Variants in PEX5 observed in about 807,000 individuals in gnomAD.
PEX5 encodes the protein peroxisomal biogenesis factor 5.
Under a neutral mutation model 82.9 loss-of-function variants are expected in PEX5, and 52 were observed. The ratio of observed to expected loss-of-function variants is 0.63; its 90% confidence interval spans 0.50 to 0.79. The LOEUF (loss-of-function observed/expected upper bound fraction) is 0.79, where lower values mean the gene tolerates loss of function less well. PEX5 is among the 30% of genes least tolerant of loss of function. PEX5 has a pLI of 0.00. For missense variants in PEX5, 719 were observed against 815.2 expected (o/e 0.88, Z 1.44); for synonymous variants, 300 against 318.8 (o/e 0.94, Z 0.63).
chr12:7,204,625 A>T (rs1398244231), intron 10 of PEX5, among the ~76,000 whole-genome samples: 1 of 152,236 alleles, frequency 6.6e-6, no homozygotes, highest in African/African-American at 2.4e-5. Context: ...GGAAATATAG[A>T]TAACACTTTT....
intron 1 of PEX5, 169 bp downstream of exon 1, chr12:7,189,919 A>G: frequency 6.9e-7 from 1 of 1,444,070 alleles, no homozygotes; most frequent in South Asian, 1.4e-5. Context: ...GGCTCCGGTG[A>G]CTTAAGGGGA....
At chr12:7,215,010 G>A (rs1405679273), downstream of PEX5, among the ~76,000 whole-genome samples, 1 of 152,106 alleles carries the variant, frequency 6.6e-6, no homozygotes, top group Non-Finnish European at 1.5e-5. Flanking sequence ...ATTTTACTCA[G>A]ATTATGCATT....
At chr12:7,191,117 G>T (rs1316158377) in intron 3 of PEX5, 109 bp from the exon 4 acceptor site, 10 of 1,322,602 alleles carry the variant, frequency 7.6e-6, no homozygotes, top group Non-Finnish European at 1.1e-5. Context: ...TCCAGTTTCT[G>T]TGTTTTCCTT....
At chr12:7,211,954 A>T (rs1411052470), downstream of PEX5, among the ~76,000 whole-genome samples, 2 of 148,086 alleles carry the variant, frequency 1.4e-5, no homozygotes, top group African/African-American at 2.5e-5. Flanking sequence ...TTGGAAAAAA[A>T]ATTTTTTTTT....
At chr12:7,216,136 T>A (rs888113089), downstream of PEX5, among the ~76,000 whole-genome samples, 2 of 151,998 alleles carry the variant, frequency 1.3e-5, no homozygotes, top group Admixed American at 6.6e-5. Context: ...CCAGGCTAAT[T>A]TTTGTATTTT....
intron 5 of PEX5, among the ~76,000 whole-genome samples, chr12:7,196,287 AATTT>A (rs1379864062): frequency 3.9e-4 from 29 of 73,638 alleles, no homozygotes; most frequent in Non-Finnish European, 7.1e-4. Flanking sequence ...TGTCATATAT[AATTT>A]AATTATATGT....
chr12:7,197,259 TAATTA>T (rs1291574341), intron 5 of PEX5, among the ~76,000 whole-genome samples: 1 of 125,838 alleles, frequency 7.9e-6, no homozygotes, highest in African/African-American at 3.1e-5. Flanking sequence ...TCATATGTAA[TAATTA>T]TATATGTCAT....
Position 7,189,713 on chromosome 12 carries a change from C to A in PEX5, c.-54C>A, listed in dbSNP as rs1028026591. The A allele has an allele frequency of 7.8e-5, 30 of 382,752 alleles. No individual in the cohort carries two copies. Among genetic ancestry groups the A allele is most frequent in the African/African-American group, 4.6e-4 (22 of 47,390 alleles). The allele number at this position is 382,752 out of a possible 1,614,324, so 23.7% of individuals were successfully genotyped here. The stretch of plus-strand genomic sequence containing the variant: ...CTTCTCCCCTCCCCCAAGCCAGCAC[C>A]TGGTGCCCCGGCGGGTCGTGCGGCG... On this transcript the variant is annotated 5_prime_UTR_variant, in exon 1 of 16. It adds an upstream start codon to the 5' untranslated region. Transcript: ENST00000675855.
chr12:7,205,862 C>T (rs942244154), intron 10 of PEX5, among the ~76,000 whole-genome samples: 24 of 152,242 alleles, frequency 1.6e-4, no homozygotes, highest in African/African-American at 5.1e-4. Flanking sequence ...GAAGAGCATT[C>T]GCATCACTTC....
chr12:7,212,335 C>T (rs376275970), downstream of PEX5, among the ~76,000 whole-genome samples: 19 of 151,586 alleles, frequency 1.3e-4, no homozygotes, highest in African/African-American at 4.4e-4. Context: ...CTATGTTGAC[C>T]AGGCTGGTCT....
intron 1 of PEX5, 186 bp downstream of exon 1, chr12:7,189,936 G>A: frequency 6.8e-7 from 1 of 1,474,062 alleles, no homozygotes; most frequent in Non-Finnish European, 8.9e-7. Flanking sequence ...GGGAGGGAAT[G>A]CTCCTCTGCC....
chr12:7,207,243 T>C (rs774081668), intron 10 of PEX5, among the ~76,000 whole-genome samples: 1 of 152,212 alleles, frequency 6.6e-6, no homozygotes, highest in African/African-American at 2.4e-5. Flanking sequence ...ATTTCCTTTA[T>C]ACATCATCAC....
At chr12:7,199,227 T>TTC in intron 6 of PEX5, 114 bp downstream of exon 6, 18 of 474,856 alleles carry the variant, frequency 3.8e-5, no homozygotes, top group South Asian at 3.4e-4. Context: ...TTTTTTTTTT[T>TTC]ATCATTCTTG....
chr12:7,194,148 A>G (rs1424612202), intron 5 of PEX5, among the ~76,000 whole-genome samples: 1 of 152,090 alleles, frequency 6.6e-6, no homozygotes, highest in Non-Finnish European at 1.5e-5. Flanking sequence ...TGGGTTAGCT[A>G]TGGCTTTATA....
chr12:7,214,271 T>C (rs983272335), downstream of PEX5, among the ~76,000 whole-genome samples: 9 of 151,878 alleles, frequency 5.9e-5, no homozygotes, highest in African/African-American at 2.2e-4. Context: ...GACGCACACG[T>C]ATGTTTATTG....
In PEX5 at chr12:7,189,697, T is replaced by A; in HGVS notation, c.-70T>A. The A allele has an allele frequency of 5.9e-5, 18 of 305,724 alleles. No individual in the cohort carries two copies. The highest frequency in any genetic ancestry group is 1.6e-4 in the East Asian group (3 of 18,626). 18.9% of individuals were successfully genotyped at this position (305,724 alleles called of 1,614,324 possible). A position where few individuals can be genotyped will look rare whatever the true frequency, so the allele number is the denominator to read the frequency against. On this transcript the variant is annotated 5_prime_UTR_variant, in exon 1 of 16. Transcript: ENST00000675855. ...TGGCTCCCCGCCCCCTCTTCTCCCC[T>A]CCCCCAAGCCAGCACCTGGTGCCCC...
intron 6 of PEX5, among the ~76,000 whole-genome samples, chr12:7,199,849 C>T (rs1441217932): frequency 2.4e-5 from 3 of 126,320 alleles, no homozygotes; most frequent in East Asian, 2.3e-4. Context: ...CCCCACCTCC[C>T]TCCCGGACGG....
In PEX5 at chr12:7,210,203, A is replaced by G. The variant is rs766669738; in HGVS notation, c.1900A>G (p.Met634Val). The change falls in exon 16 of 16, where the codon ATG becomes GTG. Residue 634 changes from methionine to valine, a missense_variant. Transcript: ENST00000675855. ...GCGGGATCTGTCCACCCTCCTAACT[A>G]TGTTTGGCCTGCCCCAGTGACAGTG... ...DARDLSTLLT[M>V]FGLPQ The G allele has an allele frequency of 1.2e-5, 19 of 1,613,914 alleles. No homozygotes were observed. Among genetic ancestry groups the G allele is most frequent in the Non-Finnish European group, 1.4e-5 (16 of 1,179,982 alleles).
chr12:7,199,048 A>G lies in PEX5; in HGVS notation c.486A>G (p.Glu162=), dbSNP rs1267734281. The G allele has an allele frequency of 6.2e-7, 1 of 1,609,430 alleles. No individual in the cohort carries two copies. Among genetic ancestry groups the G allele is most frequent in the Non-Finnish European group, 8.5e-7 (1 of 1,177,468 alleles). Residue 162 remains glutamate (E), a synonymous_variant, in exon 6 of 16, where the codon GAA becomes GAG. Transcript: ENST00000675855. ...TGTCCCCTGCCCGCTGGGCTGAGGA[A>G]TATTTGGAGCAATCAGAGGAGAAGC... ...LSVSPARWAE[E]YLEQSEEKLW...
Sources: gnomAD v4.1 joint callset for allele counts (sites outside exome capture counted in the v4.1 genomes callset) on GRCh38, gnomAD v4.1.1 for gene constraint, MANE v1.5 for transcripts, NCBI Gene and HGNC (gene_info 2026-07-23, HGNC 2026-07-21) for gene names.